Variants in BMP6 observed in about 807,000 individuals in gnomAD.
The protein encoded by BMP6 is bone morphogenetic protein 6, also known as VG-1-R.
In BMP6, 17 loss-of-function variants were observed where a neutral mutation model predicts 54.1. The observed-to-expected ratio is 0.31, with a 90% confidence interval of 0.22 to 0.47. The LOEUF (loss-of-function observed/expected upper bound fraction) is 0.47, where lower values mean the gene tolerates loss of function less well. Among genes scored for constraint, BMP6 ranks in the 20% least tolerant of loss-of-function variants. BMP6 has a pLI of 1.00. For synonymous variants in BMP6, 328 were observed against 291.2 expected (o/e 1.13, Z -1.28); for missense variants, 720 against 690.4 (o/e 1.04, Z -0.48).
chr6:7,844,198 A>G (rs907205612), intron 1 of BMP6, among the ~76,000 whole-genome samples: 5 of 152,220 alleles, frequency 3.3e-5, no homozygotes, highest in Non-Finnish European at 7.3e-5. Flanking sequence ...AGGTTCATCC[A>G]TGTTGCAAGT....
At chr6:7,794,813 G>T (rs1758168728) in intron 1 of BMP6, among the ~76,000 whole-genome samples, 1 of 152,118 alleles carries the variant, frequency 6.6e-6, no homozygotes, top group Non-Finnish European at 1.5e-5. Context: ...TTTGGACACA[G>T]GTTGGTCTGA....
intron 4 of BMP6, among the ~76,000 whole-genome samples, chr6:7,870,644 A>G (rs189724265): frequency 7.2e-5 from 11 of 151,996 alleles, no homozygotes; most frequent in Admixed American, 5.2e-4. Context: ...AACAACAACA[A>G]AAAAAAACGG....
intron 1 of BMP6, among the ~76,000 whole-genome samples, chr6:7,835,301 T>G (rs1758855956): frequency 6.6e-6 from 1 of 152,066 alleles, no homozygotes; most frequent in African/African-American, 2.4e-5. Context: ...TTTTTGTATT[T>G]TTAGTAGAGA....
intron 1 of BMP6, among the ~76,000 whole-genome samples, chr6:7,813,438 T>C (rs1758469910): frequency 8.9e-6 from 1 of 112,262 alleles, no homozygotes; most frequent in Non-Finnish European, 1.7e-5. Context: ...CTGGGCAACA[T>C]AGTGAGATCC....
intron 2 of BMP6, among the ~76,000 whole-genome samples, chr6:7,854,384 TAAA>T (rs111496504): frequency 2.7e-5 from 4 of 148,474 alleles, no homozygotes; most frequent in African/African-American, 9.9e-5. Context: ...AACATCTTTT[TAAA>T]AAAAAAAAAT....
At chr6:7,788,604 A>C (rs143965179) in intron 1 of BMP6, among the ~76,000 whole-genome samples, 330 of 152,350 alleles carry the variant, frequency 2.2e-3, no homozygotes, top group African/African-American at 7.6e-3. Context: ...TGTATTATCA[A>C]AGAGTCAAAG....
intron 4 of BMP6, among the ~76,000 whole-genome samples, chr6:7,873,807 C>T (rs1223537009): frequency 6.6e-6 from 1 of 152,096 alleles, no homozygotes; most frequent in Admixed American, 6.5e-5. Flanking sequence ...TTATTATTTT[C>T]ACACTGCCCA....
chr6:7,820,279 T>G (rs925889947), intron 1 of BMP6, among the ~76,000 whole-genome samples: 1 of 152,224 alleles, frequency 6.6e-6, no homozygotes, highest in Non-Finnish European at 1.5e-5. Context: ...TTGAGATTGC[T>G]TTGGGTATTG....
At chr6:7,862,650 G>A (rs1759355096) in intron 4 of BMP6, 152 bp downstream of exon 4, 15 of 1,062,868 alleles carry the variant, frequency 1.4e-5, no homozygotes, top group South Asian at 3.1e-5. Context: ...TTGTACAGTC[G>A]CAGAACATCT....
intron 1 of BMP6, among the ~76,000 whole-genome samples, chr6:7,736,732 T>C (rs1239946830): frequency 6.6e-6 from 1 of 152,244 alleles, no homozygotes; most frequent in African/African-American, 2.4e-5. Flanking sequence ...GGTTTGTGTT[T>C]ATTCCTTTAC....
intron 1 of BMP6, among the ~76,000 whole-genome samples, chr6:7,828,828 T>A (rs1399877443): frequency 6.6e-6 from 1 of 152,198 alleles, no homozygotes; most frequent in Non-Finnish European, 1.5e-5. Context: ...GACAGCCATG[T>A]GCAGATGCCC....
chr6:7,740,729 C>T (rs1257342787), intron 1 of BMP6, among the ~76,000 whole-genome samples: 1 of 152,206 alleles, frequency 6.6e-6, no homozygotes, highest in African/African-American at 2.4e-5. Flanking sequence ...TCAGGCTTAA[C>T]TTCAATCTTT....
chr6:7,733,235 C>T lies in BMP6; in HGVS notation c.664+5616C>T, dbSNP rs111569929. Among the ~76,000 whole-genome samples, 425 of 152,274 alleles carry T rather than the reference C, an allele frequency of 2.8e-3. 1 individual carries two copies. The highest frequency in any genetic ancestry group is 3.7e-3 in the Non-Finnish European group (250 of 68,024). On this transcript the variant is annotated intron_variant, in intron 1 of 6. Transcript: ENST00000283147. ...ATGACTATTGTTTAACTTAGCACAACGTCGTTACAGTTTTAATTTTTCTAC... is the reference window on the plus strand; with the variant it reads ...ATGACTATTGTTTAACTTAGCACAATGTCGTTACAGTTTTAATTTTTCTAC...
At chr6:7,854,313 TCTA>T (rs572224570) in intron 2 of BMP6, among the ~76,000 whole-genome samples, 64 of 152,208 alleles carry the variant, frequency 4.2e-4, no homozygotes, top group African/African-American at 1.5e-3. Context: ...AATAGGTACA[TCTA>T]CTATATATAC....
intron 2 of BMP6, among the ~76,000 whole-genome samples, chr6:7,849,098 G>C (rs982411735): frequency 6.6e-6 from 1 of 152,132 alleles, no homozygotes; most frequent in African/African-American, 2.4e-5. Context: ...AGATAAAGAC[G>C]AAGTACCGGA....
intron 1 of BMP6, among the ~76,000 whole-genome samples, chr6:7,838,941 C>CAA (rs778664842): frequency 0.01 from 599 of 58,900 alleles, 15 homozygotes; most frequent in African/African-American, 0.031. Flanking sequence ...GACTCTGTCT[C>CAA]AAAAAAAAAA....
Position 7,727,637 on chromosome 6 carries a change from C to A in BMP6, c.664+18C>A. 3 of 1,515,326 alleles carry A rather than the reference C, an allele frequency of 2.0e-6. No individual in the cohort carries two copies. Among genetic ancestry groups the A allele is most frequent in the Non-Finnish European group, 1.8e-6 (2 of 1,138,998 alleles). The allele number at this position is 1,515,326 out of a possible 1,614,324, so 93.9% of individuals were successfully genotyped here. On this transcript the variant is annotated intron_variant, in intron 1 of 6. Coordinates refer to ENST00000283147, the MANE Select transcript of BMP6 (RefSeq NM_001718.6). ...GAACCTGGGTAAGGATTTGGGGTAA[C>A]GTAATGACGAGAACATTTCCCCCTT...
chr6:7,768,084 C>A (rs79698211), intron 1 of BMP6, among the ~76,000 whole-genome samples: 1,541 of 152,246 alleles, frequency 0.01, 20 homozygotes, highest in African/African-American at 0.035. Flanking sequence ...CAAGAGCGGG[C>A]AGGAAGTGCG....
At chr6:7,750,392 G>C (rs577605562) in intron 1 of BMP6, among the ~76,000 whole-genome samples, 1 of 152,312 alleles carries the variant, frequency 6.6e-6, no homozygotes, top group Admixed American at 6.5e-5. Flanking sequence ...GAAACGATAA[G>C]GGCAGGATGA....
Sources: gnomAD v4.1 joint callset for allele counts (sites outside exome capture counted in the v4.1 genomes callset) on GRCh38, gnomAD v4.1.1 for gene constraint, MANE v1.5 for transcripts, NCBI Gene and HGNC (gene_info 2026-07-23, HGNC 2026-07-21) for gene names.